Variants in THSD7A observed in about 807,000 individuals in gnomAD.
THSD7A encodes the protein thrombospondin type-1 domain-containing protein 7A.
In THSD7A, 96 loss-of-function variants were observed where a neutral mutation model predicts 231.3. The observed-to-expected ratio is 0.41, with a 90% CI of 0.35 to 0.49. THSD7A has a LOEUF of 0.49. Among genes scored for constraint, THSD7A ranks in the 20% least tolerant of loss-of-function variants. THSD7A has a pLI of 0.05. For synonymous variants in THSD7A, 940 were observed against 743.3 expected, an observed-to-expected ratio of 1.26 and a Z score of -4.30; for missense variants, 2,290 against 2,070.2, an observed-to-expected ratio of 1.11 and a Z score of -2.06.
intron 1 of THSD7A, among the ~76,000 whole-genome samples, chr7:11,700,698 T>A (rs1019089306): frequency 2.8e-4 from 42 of 151,352 alleles, no homozygotes; most frequent in African/African-American, 9.9e-4. Flanking sequence ...TTTGTTTTGA[T>A]CTTAATTAAA....
intron 2 of THSD7A, among the ~76,000 whole-genome samples, chr7:11,600,884 G>A (rs1780527801): frequency 6.6e-6 from 1 of 152,170 alleles, no homozygotes; most frequent in Admixed American, 6.5e-5. Context: ...TGTCTGAGTT[G>A]AGGGGTCTGG....
intron 1 of THSD7A, among the ~76,000 whole-genome samples, chr7:11,753,968 T>A (rs1045892175): frequency 6.6e-6 from 1 of 151,888 alleles, no homozygotes; most frequent in Non-Finnish European, 1.5e-5. Flanking sequence ...AGACACACTA[T>A]GGAAAGGACA....
chr7:11,392,303 C>G (rs938131716), intron 23 of THSD7A, among the ~76,000 whole-genome samples: 1 of 152,006 alleles, frequency 6.6e-6, no homozygotes, highest in Non-Finnish European at 1.5e-5. Flanking sequence ...TTGGGGAACT[C>G]TCTCCCCTAG....
rs66964252 is a variant in THSD7A, at chr7:11,706,630, C to CTTTTTTTTTTTTTTTTTTTTTTTT, written c.191-69693_191-69670dup. ...ATTGACTAAAAATTTTAACAAGGTG[C>CTTTTTTTTTTTTTTTTTTTTTTTT]TTTTTTTTTTTTTTTTTTTTTTTTT... is the stretch of plus-strand genomic sequence containing the variant. On this transcript the variant is annotated intron_variant, in intron 1 of 27. Coordinates refer to ENST00000423059, the MANE Select transcript of THSD7A (RefSeq NM_015204.3). 1.1e-4 allele frequency among the ~76,000 whole-genome samples: 7 copies of CTTTTTTTTTTTTTTTTTTTTTTTT among 66,392 alleles called. 1 individual carries two copies. Among genetic ancestry groups the CTTTTTTTTTTTTTTTTTTTTTTTT allele is most frequent in the African/African-American group, 1.9e-4 (3 of 16,102 alleles). 43.6% of individuals were successfully genotyped at this position (66,392 alleles called of 152,430 possible). A position where few individuals can be genotyped will look rare whatever the true frequency, so the allele number is the denominator to read the frequency against.
intron 1 of THSD7A, among the ~76,000 whole-genome samples, chr7:11,685,818 A>G (rs772803400): frequency 2.6e-5 from 4 of 151,984 alleles, no homozygotes; most frequent in African/African-American, 4.8e-5. Context: ...AAGATTTCTC[A>G]AAGAACTAAA....
intron 4 of THSD7A, among the ~76,000 whole-genome samples, chr7:11,548,119 T>C (rs1464195558): frequency 1.3e-5 from 2 of 151,870 alleles, no homozygotes; most frequent in South Asian, 2.1e-4. Context: ...CTAGCTAGAC[T>C]AATAAAGAAA....
chr7:11,769,153 A>ATATATATATTTTTTTT, intron 1 of THSD7A, among the ~76,000 whole-genome samples: 2 of 27,650 alleles, frequency 7.2e-5, no homozygotes, highest in African/African-American at 1.2e-4. Context: ...ATATATATAT[A>ATATATATATTTTTTTT]TTTTTTTTTT....
intron 11 of THSD7A, among the ~76,000 whole-genome samples, chr7:11,449,867 A>G (rs1785089309): frequency 6.6e-6 from 1 of 152,098 alleles, no homozygotes; most frequent in South Asian, 2.1e-4. Flanking sequence ...TTTACTAATC[A>G]GGACATGCAA....
chr7:11,804,628 C>T (rs957066828), intron 1 of THSD7A, among the ~76,000 whole-genome samples: 3 of 152,150 alleles, frequency 2.0e-5, no homozygotes, highest in Non-Finnish European at 4.4e-5. Context: ...GCTGATAAAT[C>T]ATATTCTTAT....
At chr7:11,728,083 T>C (rs1437024522) in intron 1 of THSD7A, among the ~76,000 whole-genome samples, 1 of 152,006 alleles carries the variant, frequency 6.6e-6, no homozygotes, top group African/African-American at 2.4e-5. Flanking sequence ...GCTTGTAAAA[T>C]GCAAGCTCTC....
intron 1 of THSD7A, among the ~76,000 whole-genome samples, chr7:11,700,085 A>T (rs1780539796): frequency 6.6e-6 from 1 of 151,342 alleles, no homozygotes; most frequent in African/African-American, 2.4e-5. Context: ...TGTAATTATT[A>T]AAGATTTACT....
intron 6 of THSD7A, among the ~76,000 whole-genome samples, chr7:11,483,421 T>G (rs1299481085): frequency 9.2e-5 from 14 of 152,210 alleles, no homozygotes; most frequent in Admixed American, 8.5e-4. Flanking sequence ...AGAAGGCTCA[T>G]TAAAATTGCA....
At chr7:11,732,401 A>G (rs183204526) in intron 1 of THSD7A, among the ~76,000 whole-genome samples, 1 of 151,906 alleles carries the variant, frequency 6.6e-6, no homozygotes, top group Non-Finnish European at 1.5e-5. Context: ...CGCATAGTGC[A>G]AAGTGAGTGA....
At chr7:11,821,273 G>T (rs1271558131) in intron 1 of THSD7A, 7 of 1,045,994 alleles carry the variant, frequency 6.7e-6, no homozygotes, top group African/African-American at 1.6e-5. Flanking sequence ...GACTGTATGT[G>T]CTGGAAAATG....
intron 16 of THSD7A, among the ~76,000 whole-genome samples, chr7:11,419,199 ATTT>A (rs1473335614): frequency 1.3e-5 from 2 of 152,038 alleles, no homozygotes; most frequent in African/African-American, 4.8e-5. Flanking sequence ...ATTTTCAAAG[ATTT>A]CTCTTGATAT....
rs531127830 is a variant in THSD7A at position 11,720,130 on chromosome 7, G to A, written c.191-83169C>T. On this transcript the variant is annotated intron_variant, in intron 1 of 27. Transcript: ENST00000423059. ...GGTACGATATAAATACATTTTGAAC[G>A]TCCATAGATCTTTCACCACTGCCCC... 1.5e-4 allele frequency among the ~76,000 whole-genome samples: 23 copies of A among 151,714 alleles called. No individual in the cohort carries two copies. In the South Asian group the frequency reaches 2.7e-3, roughly 18 times the overall value.
intron 2 of THSD7A, among the ~76,000 whole-genome samples, chr7:11,605,155 C>T (rs1013489493): frequency 3.3e-5 from 5 of 151,954 alleles, no homozygotes; most frequent in African/African-American, 1.2e-4. Flanking sequence ...AAACTCTCTC[C>T]TTTATCCCTC....
intron 26 of THSD7A, 87 bp from the exon 27 acceptor site, chr7:11,376,744 ATGACCAATT>A: frequency 1.1e-6 from 1 of 938,976 alleles, no homozygotes; most frequent in South Asian, 1.9e-5. Context: ...TCAGTCATAT[ATGACCAATT>A]TCTTTCAAAA....
At chr7:11,684,011 C>T (rs1283399281) in intron 1 of THSD7A, among the ~76,000 whole-genome samples, 1 of 151,926 alleles carries the variant, frequency 6.6e-6, no homozygotes, top group Non-Finnish European at 1.5e-5. Context: ...AATCTGGCAA[C>T]ACAACAACAA....
Sources: gnomAD v4.1 joint callset for allele counts (sites outside exome capture counted in the v4.1 genomes callset) on GRCh38, gnomAD v4.1.1 for gene constraint, MANE v1.5 for transcripts, NCBI Gene and HGNC (gene_info 2026-07-23, HGNC 2026-07-21) for gene names.